DLG2: variants seen among roughly 807,000 people sequenced by gnomAD.
DLG2 encodes discs large MAGUK scaffold protein 2, also known as disks large homolog 2.
Under a neutral mutation model 132.5 loss-of-function variants are expected in DLG2, and 45 were observed. The ratio of observed to expected loss-of-function variants is 0.34; its 90% CI spans 0.27 to 0.44. The LOEUF (loss-of-function observed/expected upper bound fraction) is 0.44. DLG2 is among the 20% of genes least tolerant of loss of function. The pLI is 1.00. For missense variants in DLG2, 1,045 were observed against 1,196.9 expected (o/e 0.87, Z 1.87); for synonymous variants, 424 against 419.6 (o/e 1.01, Z -0.13).
chr11:85,544,660 T>G (rs1396011943), intron 3 of DLG2, among the ~76,000 whole-genome samples: 1 of 152,198 alleles, frequency 6.6e-6, no homozygotes, highest in African/African-American at 2.4e-5. Context: ...TGTCCTCTTT[T>G]ATTTCCTTGA....
At chr11:84,931,307 C>G (rs2048057511) in intron 6 of DLG2, among the ~76,000 whole-genome samples, 1 of 152,130 alleles carries the variant, frequency 6.6e-6, no homozygotes, top group South Asian at 2.1e-4. Context: ...TCTCCCTTCT[C>G]CCACCCTTTA....
At chr11:84,529,145 A>T (rs2099329330) in intron 7 of DLG2, among the ~76,000 whole-genome samples, 1 of 152,186 alleles carries the variant, frequency 6.6e-6, no homozygotes, top group Admixed American at 6.5e-5. Flanking sequence ...GTCTTTACTA[A>T]GACAATCTAA....
intron 16 of DLG2, among the ~76,000 whole-genome samples, chr11:83,844,099 C>A (rs1338148996): frequency 6.6e-6 from 1 of 151,872 alleles, no homozygotes; most frequent in Admixed American, 6.6e-5. Flanking sequence ...CTGTGTGAGC[C>A]CAGTGGTGGG....
intron 9 of DLG2, among the ~76,000 whole-genome samples, chr11:84,109,824 A>G (rs1300461991): frequency 6.6e-6 from 1 of 152,198 alleles, no homozygotes; most frequent in Non-Finnish European, 1.5e-5. Flanking sequence ...TATTGAAAAT[A>G]AGGAAGAAAC....
At chr11:83,996,878 A>G (rs112158781) in intron 11 of DLG2, among the ~76,000 whole-genome samples, 131 of 152,270 alleles carry the variant, frequency 8.6e-4, no homozygotes, top group African/African-American at 3.0e-3. Context: ...ATGTACAAAT[A>G]AATAGAAAGA....
At chr11:85,005,721 T>C (rs1472880155) in intron 6 of DLG2, among the ~76,000 whole-genome samples, 2 of 152,194 alleles carry the variant, frequency 1.3e-5, no homozygotes, top group Non-Finnish European at 2.9e-5. Context: ...CTTTTATTTC[T>C]GTCTCTTGCC....
chr11:84,795,747 C>A (rs1438882874), intron 6 of DLG2, among the ~76,000 whole-genome samples: 2 of 152,166 alleles, frequency 1.3e-5, no homozygotes, highest in African/African-American at 4.8e-5. Flanking sequence ...GTAGACGCTT[C>A]CGGAGCCAGG....
chr11:85,192,930 G>A (rs2080715877), intron 4 of DLG2, among the ~76,000 whole-genome samples: 1 of 152,122 alleles, frequency 6.6e-6, no homozygotes, highest in African/African-American at 2.4e-5. Context: ...GCTTTGAACT[G>A]AAATATAACT....
At chr11:84,037,341 G>C (rs2095894936) in intron 11 of DLG2, among the ~76,000 whole-genome samples, 1 of 151,980 alleles carries the variant, frequency 6.6e-6, no homozygotes, top group Non-Finnish European at 1.5e-5. Context: ...ATGAACACCT[G>C]GGAAAGAATA....
At chr11:84,746,982 G>A (rs2065456251) in intron 6 of DLG2, among the ~76,000 whole-genome samples, 1 of 152,146 alleles carries the variant, frequency 6.6e-6, no homozygotes, top group Non-Finnish European at 1.5e-5. Context: ...AATTCTTCCT[G>A]CATTTTATAG....
chr11:84,206,809 TA>T (rs1157638416), intron 8 of DLG2, among the ~76,000 whole-genome samples: 1 of 151,890 alleles, frequency 6.6e-6, no homozygotes, highest in Non-Finnish European at 1.5e-5. Context: ...GAATAATGCA[TA>T]AAAATGACTT....
chr11:83,899,205 G>T (rs2072699639), intron 15 of DLG2, among the ~76,000 whole-genome samples: 2 of 151,070 alleles, frequency 1.3e-5, no homozygotes, highest in African/African-American at 5.0e-5. Flanking sequence ...TAATTCCTGA[G>T]ATTTTTCTCC....
intron 11 of DLG2, among the ~76,000 whole-genome samples, chr11:84,022,233 C>T (rs545136490): frequency 2.2e-4 from 33 of 152,122 alleles, no homozygotes; most frequent in African/African-American, 7.7e-4. Flanking sequence ...TTCGGGGCAT[C>T]CTTTTCTCTG....
chr11:84,333,001 G>T (rs1252710628), intron 7 of DLG2, among the ~76,000 whole-genome samples: 1 of 152,162 alleles, frequency 6.6e-6, no homozygotes, highest in Non-Finnish European at 1.5e-5. Context: ...TGGATGAGTA[G>T]GAGCTTTATA....
chr11:83,664,127 CATGTTAT>C (rs2075000089), intron 18 of DLG2, among the ~76,000 whole-genome samples: 1 of 152,142 alleles, frequency 6.6e-6, no homozygotes, highest in African/African-American at 2.4e-5. Flanking sequence ...TCTCCTGGCC[CATGTTAT>C]GGATTCAGTG....
chr11:85,517,759 C>G (rs1190282825), intron 3 of DLG2, among the ~76,000 whole-genome samples: 1 of 152,126 alleles, frequency 6.6e-6, no homozygotes, highest in Non-Finnish European at 1.5e-5. Context: ...GCCACCATAC[C>G]TGGTGACATG....
chr11:83,554,857 T>C (rs879833642), intron 19 of DLG2, among the ~76,000 whole-genome samples: 5 of 152,252 alleles, frequency 3.3e-5, no homozygotes, highest in Non-Finnish European at 4.4e-5. Context: ...CATGCAATCA[T>C]GGCTTCAGTC....
chr11:84,520,568 G>C (rs1348350356), intron 7 of DLG2, among the ~76,000 whole-genome samples: 2 of 152,164 alleles, frequency 1.3e-5, no homozygotes, highest in African/African-American at 4.8e-5. Flanking sequence ...AATGTGTGCT[G>C]ACATTCCCCT....
At chr11:84,449,437 A>C (rs1337277258) in intron 7 of DLG2, among the ~76,000 whole-genome samples, 1 of 151,760 alleles carries the variant, frequency 6.6e-6, no homozygotes, top group Non-Finnish European at 1.5e-5. Context: ...CTTAAAAAAT[A>C]TACAAAGTTT....
Sources: allele counts gnomAD v4.1 joint callset (sites outside exome capture counted in the v4.1 genomes callset), GRCh38; gene constraint gnomAD v4.1.1; transcripts MANE v1.5; gene names NCBI Gene and HGNC (gene_info 2026-07-23, HGNC 2026-07-21).